Variants in PDE12 observed in about 807,000 individuals in gnomAD.
PDE12 encodes the protein 2',5'-phosphodiesterase 12.
Under a neutral mutation model 45.4 loss-of-function variants are expected in PDE12, and 26 were observed. The observed-to-expected ratio is 0.57, with a 90% CI of 0.42 to 0.79. The LOEUF is 0.79. PDE12 is among the 30% of genes least tolerant of loss of function. The probability of loss-of-function intolerance (pLI) is 0.00; values close to 1 mark genes in which losing one functional copy is unlikely to be tolerated. For missense variants in PDE12, 668 were observed against 790.0 expected, an observed-to-expected ratio of 0.85 and a Z score of 1.85; for synonymous variants, 283 against 323.9, an observed-to-expected ratio of 0.87 and a Z score of 1.36.
At position 57,556,934 on chromosome 3, in the gene PDE12, C is replaced by G; in HGVS notation, c.555C>G (p.Leu185=). 6.2e-7 allele frequency: 1 copy of G among 1,614,180 alleles called. No homozygotes were observed. Among genetic ancestry groups the G allele is most frequent in the Non-Finnish European group, 8.5e-7 (1 of 1,180,048 alleles). Residue 185 remains leucine, a synonymous_variant, in exon 1 of 3, where the codon CTC becomes CTG. Coordinates refer to ENST00000311180, the MANE Select transcript of PDE12 (RefSeq NM_177966.7). The surrounding 1 kb of genome is among the most constrained non-coding windows in gnomAD (Gnocchi z 5.0). ...TCCCTGTGTGCCCCAAACTCAGCCT[C>G]GAATTTGGGGATCCCGCCAGCTCCC... The part of the protein sequence containing the change: ...AGFPVCPKLS[L]EFGDPASSLF...
chr3:57,646,728 G>A, the PDE12 span, among the ~76,000 whole-genome samples: 1 of 152,096 alleles, frequency 6.6e-6, no homozygotes, highest in Non-Finnish European at 1.5e-5. Context: ...TCAAATTGTT[G>A]TACCATATGA....
chr3:57,596,535 G>A, the PDE12 span: 1 of 152,690 alleles, frequency 6.5e-6, no homozygotes. Context: ...AGACTCTTCG[G>A]AAACCTTGGG....
chr3:57,616,061 G>A, the PDE12 span, among the ~76,000 whole-genome samples: 1 of 152,170 alleles, frequency 6.6e-6, no homozygotes, highest in Admixed American at 6.5e-5. Flanking sequence ...TGCTGCTCAT[G>A]CCTGTAATCC....
the PDE12 span, chr3:57,584,339 C>G: frequency 6.9e-7 from 1 of 1,442,308 alleles, no homozygotes; most frequent in Non-Finnish European, 9.7e-7. Flanking sequence ...ATATATTTCA[C>G]TTTACAACAT....
the PDE12 span, chr3:57,630,984 A>C: frequency 6.2e-7 from 1 of 1,610,350 alleles, no homozygotes; most frequent in South Asian, 1.1e-5. Flanking sequence ...CTTTCCTAAA[A>C]CCAAGAAAAA....
the PDE12 span, among the ~76,000 whole-genome samples, chr3:57,616,152 A>C: frequency 6.6e-6 from 1 of 151,974 alleles, no homozygotes; most frequent in African/African-American, 2.4e-5. Context: ...GCAAAACCTC[A>C]TCTCTACAAA....
the PDE12 span, among the ~76,000 whole-genome samples, chr3:57,578,578 C>T: frequency 6.6e-6 from 1 of 152,030 alleles, no homozygotes; most frequent in Admixed American, 6.6e-5. Flanking sequence ...CCCCTGGGCT[C>T]AAATGATCCT....
chr3:57,652,443 A>G, the PDE12 span, among the ~76,000 whole-genome samples: 1 of 152,172 alleles, frequency 6.6e-6, no homozygotes, highest in Admixed American at 6.5e-5. Flanking sequence ...GAAACCACAG[A>G]TAACAACTTG....
At chr3:57,636,412 A>T in the PDE12 span, among the ~76,000 whole-genome samples, 2 of 152,226 alleles carry the variant, frequency 1.3e-5, no homozygotes, top group Admixed American at 1.3e-4. Flanking sequence ...AATATTAAGT[A>T]AATGCAAGAT....
the PDE12 span, chr3:57,628,049 A>G: frequency 1.1e-6 from 1 of 897,500 alleles, no homozygotes; most frequent in Non-Finnish European, 1.6e-6. Context: ...AAAGTAATGC[A>G]CTAAAAAGGT....
At chr3:57,653,638 C>T in the PDE12 span, among the ~76,000 whole-genome samples, 4 of 149,826 alleles carry the variant, frequency 2.7e-5, no homozygotes, top group Admixed American at 1.3e-4. Context: ...CCCAGCTACT[C>T]GGGAGGCTGA....
chr3:57,633,331 A>C, the PDE12 span: 1 of 1,613,896 alleles, frequency 6.2e-7, no homozygotes, highest in Non-Finnish European at 8.5e-7. Flanking sequence ...TTTGAGCCTC[A>C]GAAGGACGTT....
chr3:57,606,288 G>C, the PDE12 span, among the ~76,000 whole-genome samples: 5 of 152,132 alleles, frequency 3.3e-5, no homozygotes, highest in African/African-American at 1.2e-4. Context: ...GGGTGACATC[G>C]TATTTCTCAC....
the PDE12 span, among the ~76,000 whole-genome samples, chr3:57,583,450 G>A: frequency 2.0e-5 from 3 of 152,266 alleles, no homozygotes; most frequent in African/African-American, 7.2e-5. Context: ...TACATACTAT[G>A]TGGCAATATA....
chr3:57,596,956 G>C, the PDE12 span: 51 of 1,122,528 alleles, frequency 4.5e-5, no homozygotes, highest in Admixed American at 4.5e-5. Flanking sequence ...TCCGACCCCC[G>C]ACCCGGCGCC....
chr3:57,621,331 A>C, the PDE12 span, among the ~76,000 whole-genome samples: 1 of 152,220 alleles, frequency 6.6e-6, no homozygotes, highest in Non-Finnish European at 1.5e-5. Flanking sequence ...ATTAAAACTA[A>C]TTCCAAATAG....
chr3:57,584,881 G>C, the PDE12 span, among the ~76,000 whole-genome samples: 4 of 151,906 alleles, frequency 2.6e-5, no homozygotes. Context: ...AGGGGAGCGG[G>C]GGGACGTATT....
the PDE12 span, chr3:57,597,252 G>A: frequency 3.8e-6 from 4 of 1,045,370 alleles, no homozygotes; most frequent in Non-Finnish European, 5.7e-6. Flanking sequence ...AAAGAGCGGA[G>A]GAAGAAAGAG....
chr3:57,646,259 G>C, the PDE12 span: 1 of 1,566,628 alleles, frequency 6.4e-7, no homozygotes, highest in Non-Finnish European at 8.6e-7. Flanking sequence ...TCACCAACAG[G>C]TTAAGTACTG....
Sources: allele counts gnomAD v4.1 joint callset (sites outside exome capture counted in the v4.1 genomes callset), GRCh38; gene constraint gnomAD v4.1.1; non-coding constraint Gnocchi (gnomAD v3.1); transcripts MANE v1.5; gene names NCBI Gene and HGNC (gene_info 2026-07-23, HGNC 2026-07-21).